FBXO42: variants seen among roughly 807,000 people sequenced by gnomAD.
The protein encoded by FBXO42 is F-box only protein 42.
In FBXO42, 12 loss-of-function variants were observed where a neutral mutation model predicts 71.7. That is an observed-to-expected ratio of 0.17 (90% CI 0.11 to 0.27). FBXO42 has a LOEUF of 0.27. Ranked by LOEUF, FBXO42 falls within the 10% of genes least tolerant of loss-of-function variation. FBXO42 has a pLI of 1.00. For missense variants in FBXO42, 707 were observed against 911.9 expected, an observed-to-expected ratio of 0.78 and a Z score of 2.89; for synonymous variants, 325 against 327.5, an observed-to-expected ratio of 0.99 and a Z score of 0.08.
At chr1:16,266,599 C>G (rs982971838) in intron 4 of FBXO42, among the ~76,000 whole-genome samples, 4 of 152,172 alleles carry the variant, frequency 2.6e-5, no homozygotes, top group African/African-American at 9.7e-5. Context: ...AACCCTACCC[C>G]ACAGATGCTG....
At chr1:16,277,175 T>C (rs1172861699) in intron 4 of FBXO42, among the ~76,000 whole-genome samples, 2 of 152,206 alleles carry the variant, frequency 1.3e-5, no homozygotes, top group African/African-American at 4.8e-5. Flanking sequence ...AGGAGTATAT[T>C]TGAAAGGCAC....
chr1:16,342,288 C>T (rs1218447356), intron 1 of FBXO42, among the ~76,000 whole-genome samples: 1 of 150,722 alleles, frequency 6.6e-6, no homozygotes, highest in Non-Finnish European at 1.5e-5. Flanking sequence ...CCCAGCTACT[C>T]AGGAGGCTGA....
chr1:16,282,760 C>T (rs2081977821), intron 4 of FBXO42, among the ~76,000 whole-genome samples: 2 of 151,718 alleles, frequency 1.3e-5, no homozygotes, highest in African/African-American at 4.8e-5. Flanking sequence ...GCGGGCAGAT[C>T]ACCTGAGGTC....
chr1:16,335,995 A>G (rs984782105), intron 1 of FBXO42, among the ~76,000 whole-genome samples: 2 of 151,778 alleles, frequency 1.3e-5, no homozygotes, highest in Non-Finnish European at 2.9e-5. Flanking sequence ...ACAATGGCGC[A>G]ATCTCGGCTC....
intron 3 of FBXO42, among the ~76,000 whole-genome samples, chr1:16,304,263 T>A (rs2082227263): frequency 6.6e-6 from 1 of 151,932 alleles, no homozygotes; most frequent in African/African-American, 2.4e-5. Context: ...ATTACTGGCA[T>A]GTGCCACCAT....
At position 16,252,313 on chromosome 1, in the gene FBXO42, T is replaced by A; in HGVS notation, c.1013A>T (p.Glu338Val). 6.2e-7 allele frequency: 1 copy of A among 1,614,206 alleles called. No homozygotes were observed. The highest frequency in any genetic ancestry group is 1.1e-5 in the South Asian group (1 of 91,086). ...CCGGCAAGCTGGATGGCACCACAGT[T>A]CTGGGGCCCCATGCTCTTCATTTTC... The part of the protein sequence containing the change: ...KVENEEHGAP[E>V]LWCHPACRVG... The change falls in exon 9 of 10, where the codon GAA becomes GTA. Residue 338 changes from glutamate (E) to valine (V), a missense_variant. Glu to Val is a moderately radical substitution (Grantham distance 121, BLOSUM62 -2). Around this residue, in one of 5 missense-constraint regions of FBXO42, gnomAD observed 482 missense variants for 587.1 expected, o/e 0.82. Coordinates refer to ENST00000375592, the MANE Select transcript of FBXO42 (RefSeq NM_018994.3). The surrounding 1 kb of genome is among the most constrained non-coding windows in gnomAD (Gnocchi z 4.4).
chr1:16,258,004 CT>C (rs549782108), intron 4 of FBXO42, among the ~76,000 whole-genome samples: 10 of 149,556 alleles, frequency 6.7e-5, no homozygotes, highest in Admixed American at 1.3e-4. Context: ...TTTTTAAAAT[CT>C]TTTTTTTTTC....
Position 16,247,970 on chromosome 1 carries a change from A to G in FBXO42, c.*2700T>C, listed in dbSNP as rs989883216. 1.3e-5 allele frequency: 2 copies of G among 152,256 alleles called. No homozygotes were observed. The highest frequency in any genetic ancestry group is 4.8e-5 in the African/African-American group (2 of 41,466). 9.4% of individuals were successfully genotyped at this position (152,256 alleles called of 1,614,324 possible). ...CACTTGCAGGAATGGAAGGGGTTAA[A>G]GCTTCAAGTAGAAACAAAATGAATT... On this transcript the variant is annotated 3_prime_UTR_variant, in exon 10 of 10. Coordinates refer to ENST00000375592, the MANE Select transcript of FBXO42 (RefSeq NM_018994.3).
chr1:16,280,560 C>T (rs938474632), intron 4 of FBXO42, among the ~76,000 whole-genome samples: 1 of 152,112 alleles, frequency 6.6e-6, no homozygotes, highest in Non-Finnish European at 1.5e-5. Context: ...GTGTGCTATA[C>T]TAATACAAGA....
intron 1 of FBXO42, among the ~76,000 whole-genome samples, chr1:16,317,617 A>T (rs1180555662): frequency 1.3e-5 from 2 of 151,824 alleles, no homozygotes; most frequent in Non-Finnish European, 2.9e-5. Flanking sequence ...AAACAAACAA[A>T]CAAACAAACA....
intron 4 of FBXO42, among the ~76,000 whole-genome samples, chr1:16,260,136 T>C (rs1346036601): frequency 6.6e-6 from 1 of 151,896 alleles, no homozygotes; most frequent in Non-Finnish European, 1.5e-5. Context: ...ATTGTTACTA[T>C]AACTCTTACT....
intron 4 of FBXO42, chr1:16,292,547 T>C (rs1254414156): frequency 2.6e-5 from 4 of 152,166 alleles, no homozygotes; most frequent in African/African-American, 9.7e-5. Context: ...TCCTTCTGCC[T>C]TGGCCTCCTA....
chr1:16,271,264 T>TGTTG (rs897702293), intron 4 of FBXO42, among the ~76,000 whole-genome samples: 1 of 73,258 alleles, frequency 1.4e-5, no homozygotes, highest in African/African-American at 5.2e-5. Context: ...TGTTGGTGTG[T>TGTTG]GTGTGTGTGT....
chr1:16,296,389 T>TGCCTGTAATCCCAACACTTTGGGA (rs375696089), intron 3 of FBXO42, among the ~76,000 whole-genome samples: 1,632 of 152,206 alleles, frequency 0.011, 29 homozygotes, highest in African/African-American at 0.036. Context: ...CAGTGGCTCA[T>TGCCTGTAATCCCAACACTTTGGGA]GCCTGTAATC....
intron 4 of FBXO42, among the ~76,000 whole-genome samples, chr1:16,286,096 C>G (rs1192876292): frequency 6.6e-6 from 1 of 151,660 alleles, no homozygotes; most frequent in East Asian, 1.9e-4. Flanking sequence ...GGTCTCAAAC[C>G]CTTAGGCTGA....
intron 1 of FBXO42, among the ~76,000 whole-genome samples, chr1:16,345,568 C>T (rs1004624701): frequency 1.2e-4 from 17 of 145,586 alleles, no homozygotes; most frequent in African/African-American, 3.8e-4. Context: ...GACACTGAGT[C>T]GCCAGGCGCG....
At chr1:16,277,295 T>A (rs969526655) in intron 4 of FBXO42, among the ~76,000 whole-genome samples, 15 of 152,212 alleles carry the variant, frequency 9.9e-5, no homozygotes, top group African/African-American at 3.4e-4. Context: ...ATTATAATTT[T>A]AAAAATGTAT....
chr1:16,253,016 T>C, intron 8 of FBXO42, 80 bp downstream of exon 8: 2 of 1,240,558 alleles, frequency 1.6e-6, no homozygotes, highest in South Asian at 1.3e-5. Flanking sequence ...TCTTGTATAC[T>C]CCTAGAAAAG....
intron 4 of FBXO42, among the ~76,000 whole-genome samples, chr1:16,276,379 C>CAAAAAAAAAAAAAAAA (rs34711223): frequency 1.0e-5 from 1 of 97,396 alleles, no homozygotes; most frequent in East Asian, 3.6e-4. Flanking sequence ...CACTCTGTCT[C>CAAAAAAAAAAAAAAAA]AAAAAAAAAA....
Sources: allele counts gnomAD v4.1 joint callset (sites outside exome capture counted in the v4.1 genomes callset), GRCh38; gene constraint gnomAD v4.1.1; regional missense constraint gnomAD v4.1.1; non-coding constraint Gnocchi (gnomAD v3.1); transcripts MANE v1.5; gene names NCBI Gene and HGNC (gene_info 2026-07-23, HGNC 2026-07-21).